MYT1L: variants seen among roughly 807,000 people sequenced by gnomAD.
The protein encoded by MYT1L is myelin transcription factor 1-like protein.
MYT1L carries 12 observed loss-of-function variants against 126.7 expected under a neutral mutation model. That is an observed-to-expected ratio of 0.09 (90% CI 0.06 to 0.15). The LOEUF is 0.15. Among genes scored for constraint, MYT1L ranks in the 10% least tolerant of loss-of-function variants. The pLI is 1.00. For missense variants in MYT1L, 979 were observed against 1,585.2 expected (o/e 0.62, Z 6.49); for synonymous variants, 541 against 604.2 (o/e 0.90, Z 1.53).
intron 2 of MYT1L, among the ~76,000 whole-genome samples, chr2:2,269,097 C>T (rs2095205616): frequency 6.6e-6 from 1 of 152,142 alleles, no homozygotes; most frequent in South Asian, 2.1e-4. Flanking sequence ...GGCTGGGGCT[C>T]AGTGATCAGG....
At chr2:2,108,336 G>T (rs2079001364) in intron 3 of MYT1L, among the ~76,000 whole-genome samples, 1 of 152,180 alleles carries the variant, frequency 6.6e-6, no homozygotes, top group Non-Finnish European at 1.5e-5. Flanking sequence ...GGACTCAGCA[G>T]CCAGGCTCCT....
chr2:2,012,812 T>C (rs1193899597), intron 4 of MYT1L, among the ~76,000 whole-genome samples: 1 of 152,196 alleles, frequency 6.6e-6, no homozygotes, highest in Admixed American at 6.5e-5. Context: ...GAGCCACCGC[T>C]GTGGTACCGC....
intron 2 of MYT1L, among the ~76,000 whole-genome samples, chr2:2,241,990 G>A (rs1045234024): frequency 1.3e-5 from 2 of 152,020 alleles, no homozygotes; most frequent in Non-Finnish European, 2.9e-5. Context: ...TGCATTTAGT[G>A]AAGTGCTCAA....
At chr2:1,973,033 G>C (rs1343446817) in intron 8 of MYT1L, among the ~76,000 whole-genome samples, 2 of 152,144 alleles carry the variant, frequency 1.3e-5, no homozygotes, top group Non-Finnish European at 2.9e-5. Flanking sequence ...CATTAAAACA[G>C]TCCAGTGAAG....
chr2:2,005,367 G>GAA, intron 4 of MYT1L, among the ~76,000 whole-genome samples: 1 of 141,006 alleles, frequency 7.1e-6, no homozygotes, highest in Non-Finnish European at 1.5e-5. Flanking sequence ...GTTCTTTCCT[G>GAA]CATGCCTTCT....
At position 2,092,458 on chromosome 2, in the gene MYT1L, T is replaced by C. The variant is rs145167150; in HGVS notation, c.-303-38335A>G. On this transcript the variant is annotated intron_variant, in intron 3 of 24. Transcript: ENST00000647738. ...TGATCACAGATAACCAAAGCAGATA[T>C]GATGATAATAAAAAAGTTTGAAATA... 3.0e-3 allele frequency among the ~76,000 whole-genome samples: 459 copies of C among 152,204 alleles called. 4 individuals are homozygous for C. Among genetic ancestry groups the C allele is most frequent in the African/African-American group, 0.01 (419 of 41,526 alleles).
Position 1,839,616 on chromosome 2 carries a change from A to G in MYT1L, c.2859-246T>C, listed in dbSNP as rs1342339673. On this transcript the variant is annotated intron_variant, in intron 20 of 24. Transcript: ENST00000647738. Reference sequence around the variant, plus strand: ...GCAGATGGAAGGATTTTCTGGAACAAAGTGTATGTGCCTGGTGGGACTGAT... The same window carrying G: ...GCAGATGGAAGGATTTTCTGGAACAGAGTGTATGTGCCTGGTGGGACTGAT... Among the ~76,000 whole-genome samples the G allele has an allele frequency of 2.0e-5, 3 of 152,236 alleles. No homozygotes were observed. In the East Asian group the frequency reaches 5.8e-4, roughly 29 times the overall value.
intron 4 of MYT1L, among the ~76,000 whole-genome samples, chr2:2,017,726 C>CTCCA (rs146462005): frequency 0.047 from 7,175 of 151,956 alleles, 205 homozygotes; most frequent in African/African-American, 0.062. Flanking sequence ...CCATCCATCC[C>CTCCA]TCCATCCATC....
chr2:2,171,031 T>A (rs1170763537), intron 3 of MYT1L, among the ~76,000 whole-genome samples: 2 of 152,268 alleles, frequency 1.3e-5, no homozygotes, highest in East Asian at 3.9e-4. Flanking sequence ...GACAAGCTTG[T>A]CTTACACCCA....
chr2:2,140,432 CTTTT>C (rs35297300), intron 3 of MYT1L, among the ~76,000 whole-genome samples: 109 of 112,940 alleles, frequency 9.7e-4, no homozygotes, highest in Middle Eastern at 5.4e-3. Flanking sequence ...CTTTCTTTTT[CTTTT>C]TTTTTTTTTT....
chr2:2,276,730 T>G (rs2095364973), intron 2 of MYT1L, among the ~76,000 whole-genome samples: 1 of 152,134 alleles, frequency 6.6e-6, no homozygotes, highest in African/African-American at 2.4e-5. Context: ...TCACCCTCTC[T>G]GCAGGTGCAT....
At chr2:2,127,134 C>T (rs1431608764) in intron 3 of MYT1L, among the ~76,000 whole-genome samples, 1 of 152,144 alleles carries the variant, frequency 6.6e-6, no homozygotes, top group Non-Finnish European at 1.5e-5. Flanking sequence ...CAGGTTTTTA[C>T]GCAGGTAAAC....
Position 2,140,914 on chromosome 2 carries a change from G to T in MYT1L, c.-304+31958C>A, listed in dbSNP as rs149548273. On this transcript the variant is annotated intron_variant, in intron 3 of 24. Coordinates refer to ENST00000647738, the MANE Select transcript of MYT1L (RefSeq NM_001303052.2). ...TAATTTTTTGATTGTTCGGAATTAGGCAATTGCATATTGAAATTATCAAAT... is the reference window on the plus strand; with the variant it reads ...TAATTTTTTGATTGTTCGGAATTAGTCAATTGCATATTGAAATTATCAAAT... Among the ~76,000 whole-genome samples the T allele has an allele frequency of 2.3e-3, 352 of 152,252 alleles. 9 individuals carry two copies. The highest frequency in any genetic ancestry group is 0.01 in the East Asian group (53 of 5,172).
chr2:2,235,737 C>A (rs566963514), intron 2 of MYT1L, among the ~76,000 whole-genome samples: 1 of 152,098 alleles, frequency 6.6e-6, no homozygotes, highest in Non-Finnish European at 1.5e-5. Context: ...GTACTAACTC[C>A]GGCTGACTGG....
Position 1,889,407 on chromosome 2 carries a change from C to T in MYT1L, c.2354G>A (p.Ser785Asn), listed in dbSNP as rs755295299. The change falls in exon 16 of 25, where the codon AGC becomes AAC. Residue 785 changes from serine to asparagine, a missense_variant. Coordinates refer to ENST00000647738, the MANE Select transcript of MYT1L (RefSeq NM_001303052.2). The surrounding 1 kb of genome is among the most constrained non-coding windows in gnomAD (Gnocchi z 4.1). ...LSMNKQRPRD[S>N]CCPILTPLEP... is the part of the protein sequence containing the mutation. ...CAGAGGGGTCAGGATGGGGCAGCAG[C>T]TGTCCCGCGGCCTCTGCTTGTTCAT... 8.1e-6 allele frequency: 13 copies of T among 1,613,912 alleles called. No individual in the cohort carries two copies. The highest frequency in any genetic ancestry group is 2.2e-5 in the South Asian group (2 of 91,066).
chr2:1,936,951 G>A (rs1864881), intron 9 of MYT1L, among the ~76,000 whole-genome samples: 70,085 of 152,052 alleles, frequency 0.46, 18,114 homozygotes, highest in African/African-American at 0.7. Context: ...TTTACCATGA[G>A]AAAAGAAATG....
intron 3 of MYT1L, among the ~76,000 whole-genome samples, chr2:2,084,090 C>T (rs2076119844): frequency 6.6e-6 from 1 of 151,400 alleles, no homozygotes; most frequent in African/African-American, 2.4e-5. Context: ...ACCACTCCAT[C>T]AGTAAGCCCA....
intron 21 of MYT1L, among the ~76,000 whole-genome samples, chr2:1,832,012 C>T (rs977771941): frequency 2.6e-5 from 4 of 152,108 alleles, no homozygotes; most frequent in Non-Finnish European, 5.9e-5. Flanking sequence ...CTCAAGTTCA[C>T]GTATTTAAAA....
Position 1,922,797 on chromosome 2 carries a change from C to A in MYT1L, c.972G>T (p.Leu324=). 1 of 1,614,000 alleles carries A rather than the reference C, an allele frequency of 6.2e-7. No individual in the cohort carries two copies. The highest frequency in any genetic ancestry group is 8.5e-7 in the Non-Finnish European group (1 of 1,179,890). Residue 324 remains leucine (L), a synonymous_variant, in exon 10 of 25, where the codon CTG becomes CTT. Coordinates refer to ENST00000647738, the MANE Select transcript of MYT1L (RefSeq NM_001303052.2). The surrounding 1 kb of genome is among the most constrained non-coding windows in gnomAD (Gnocchi z 7.4). The part of the protein sequence containing the change: ...MVEESDEEVC[L]SSLECLRNQC... ...GATTCCTCAAACACTCCAGACTGCT[C>A]AGACACACCTCCTCATCGCTCTCCT... is the stretch of plus-strand genomic sequence containing the variant.
Sources: gnomAD v4.1 joint callset for allele counts (sites outside exome capture counted in the v4.1 genomes callset) on GRCh38, gnomAD v4.1.1 for gene constraint, Gnocchi (gnomAD v3.1) non-coding constraint, MANE v1.5 for transcripts, NCBI Gene and HGNC (gene_info 2026-07-23, HGNC 2026-07-21) for gene names.